RPRD1A: variants seen among roughly 807,000 people sequenced by gnomAD.
RPRD1A encodes the protein regulation of nuclear pre-mRNA domain containing 1A.
A neutral mutation model predicts 37.8 loss-of-function variants in RPRD1A; 9 were observed. That is an observed-to-expected ratio of 0.24 (90% confidence interval 0.14 to 0.42). The LOEUF (loss-of-function observed/expected upper bound fraction) is 0.42, where lower values mean the gene tolerates loss of function less well. RPRD1A is among the 10% of genes least tolerant of loss of function. RPRD1A has a pLI of 1.00. For synonymous variants in RPRD1A, 138 were observed against 139.7 expected, an observed-to-expected ratio of 0.99 and a Z score of 0.08; for missense variants, 255 against 371.0, an observed-to-expected ratio of 0.69 and a Z score of 2.57.
chr18:36,003,525 G>A (rs190237234), intron 6 of RPRD1A, among the ~76,000 whole-genome samples: 2 of 152,234 alleles, frequency 1.3e-5, no homozygotes, highest in East Asian at 1.9e-4. Flanking sequence ...ACAGACCAAC[G>A]GTCTGACCTG....
intron 1 of RPRD1A, among the ~76,000 whole-genome samples, chr18:36,058,470 A>G (rs1414586825): frequency 2.0e-5 from 3 of 152,234 alleles, no homozygotes. Flanking sequence ...TATTTTTATA[A>G]GAAATGTAGA....
chr18:35,992,489 CTATT>C lies in RPRD1A; in HGVS notation c.*658_*661del, dbSNP rs1480640540. On this transcript the variant is annotated 3_prime_UTR_variant, in exon 7 of 7. Coordinates refer to ENST00000399022, the MANE Select transcript of RPRD1A (RefSeq NM_018170.5). Reference sequence around the variant, plus strand: ...ACAAACAGTTTAATCAAGGGAGTCACTATTTAACACTTTTAAAATCTACACTGGC... The same window carrying C: ...ACAAACAGTTTAATCAAGGGAGTCACTAACACTTTTAAAATCTACACTGGC... 1 of 151,894 alleles carries C rather than the reference CTATT, an allele frequency of 6.6e-6. No homozygotes were observed. The highest frequency in any genetic ancestry group is 2.4e-5 in the African/African-American group (1 of 41,314). 9.4% of individuals were successfully genotyped at this position (151,894 alleles called of 1,614,324 possible). A position where few individuals can be genotyped will look rare whatever the true frequency, so the allele number is the denominator to read the frequency against.
chr18:35,993,562 A>G (rs16967319), intron 6 of RPRD1A, among the ~76,000 whole-genome samples: 34,864 of 152,170 alleles, frequency 0.23, 4,046 homozygotes, highest in African/African-American at 0.25. Flanking sequence ...TAACCTCGAC[A>G]TATAAGATGT....
intron 6 of RPRD1A, among the ~76,000 whole-genome samples, chr18:35,997,326 C>T (rs933734203): frequency 6.6e-6 from 1 of 152,096 alleles, no homozygotes; most frequent in Admixed American, 6.5e-5. Flanking sequence ...GCTTTAACAT[C>T]CTATTGACCA....
chr18:36,024,313 A>AT (rs781696260), intron 6 of RPRD1A, among the ~76,000 whole-genome samples: 3,578 of 126,556 alleles, frequency 0.028, 173 homozygotes, highest in African/African-American at 0.091. Context: ...CACCTGGTTA[A>AT]TTTTTTTTTT....
chr18:36,021,374 A>T (rs1458068086), intron 6 of RPRD1A, among the ~76,000 whole-genome samples: 1 of 152,182 alleles, frequency 6.6e-6, no homozygotes. Flanking sequence ...ATTCTTATGC[A>T]TTATGGTAAT....
At chr18:36,054,137 A>G (rs1051515136) in intron 1 of RPRD1A, among the ~76,000 whole-genome samples, 3 of 152,186 alleles carry the variant, frequency 2.0e-5, no homozygotes, top group Non-Finnish European at 4.4e-5. Flanking sequence ...CAGAAAGTAA[A>G]AACACCATAT....
rs1242531835 is a variant in RPRD1A at position 36,018,200 on chromosome 18, T to G, written c.789+8700A>C. Among the ~76,000 whole-genome samples the G allele has an allele frequency of 2.7e-5, 4 of 150,888 alleles. No homozygotes were observed. In the East Asian group the frequency reaches 7.8e-4, roughly 29 times the overall value. ...GTGTCTTTCAATCATTTTTATTTAT[T>G]AAAGTATCATTCTTTTCTGATTTAG... On this transcript the variant is annotated intron_variant, in intron 6 of 6. Coordinates refer to ENST00000399022, the MANE Select transcript of RPRD1A (RefSeq NM_018170.5).
intron 1 of RPRD1A, among the ~76,000 whole-genome samples, chr18:36,056,039 TAACA>T (rs1309990362): frequency 2.0e-5 from 3 of 152,162 alleles, no homozygotes; most frequent in African/African-American, 7.2e-5. Flanking sequence ...GAATATTTAC[TAACA>T]AACATAAATT....
At chr18:36,064,383 TGA>T (rs2088978322) in intron 1 of RPRD1A, 1 of 152,476 alleles carries the variant, frequency 6.6e-6, no homozygotes, top group Non-Finnish European at 1.5e-5. Flanking sequence ...CGAGTGCCAT[TGA>T]GAGGTGAAGC....
chr18:36,027,548 T>C lies in RPRD1A; in HGVS notation c.487-238A>G, dbSNP rs1277444446. ...AGACCTTGAAGAGAGCTTACTCCAGTGGTGGAGACAGAGTAATAATAATTA... is the reference window on the plus strand; with the variant it reads ...AGACCTTGAAGAGAGCTTACTCCAGCGGTGGAGACAGAGTAATAATAATTA... On this transcript the variant is annotated intron_variant, in intron 4 of 6. Coordinates refer to ENST00000399022, the MANE Select transcript of RPRD1A (RefSeq NM_018170.5). The C allele has an allele frequency of 7.6e-6, 3 of 394,894 alleles. No individual in the cohort carries two copies. In the Admixed American group the frequency reaches 1.2e-4, roughly 15 times the overall value. 24.5% of individuals were successfully genotyped at this position (394,894 alleles called of 1,614,324 possible).
intron 2 of RPRD1A, among the ~76,000 whole-genome samples, chr18:36,032,122 G>A (rs1003249381): frequency 2.6e-5 from 4 of 152,050 alleles, no homozygotes; most frequent in Non-Finnish European, 4.4e-5. Context: ...TCACATAACT[G>A]AGCGCCCTCA....
At chr18:36,013,781 G>C (rs1430509144) in intron 6 of RPRD1A, among the ~76,000 whole-genome samples, 2 of 152,000 alleles carry the variant, frequency 1.3e-5, no homozygotes, top group Non-Finnish European at 2.9e-5. Flanking sequence ...TCTGACACAT[G>C]AATCAAGTAA....
At chr18:36,051,753 CA>C (rs914273251) in intron 1 of RPRD1A, among the ~76,000 whole-genome samples, 3 of 151,914 alleles carry the variant, frequency 2.0e-5, no homozygotes, top group Admixed American at 6.6e-5. Flanking sequence ...ATGTCAAAAG[CA>C]GGGAAAATTA....
intron 1 of RPRD1A, among the ~76,000 whole-genome samples, chr18:36,043,548 GAGA>G (rs1217369296): frequency 3.9e-5 from 6 of 152,072 alleles, no homozygotes. Context: ...TAAAAGTCCT[GAGA>G]AGAATAAACT....
chr18:36,029,133 A>G (rs1311869263), intron 4 of RPRD1A, among the ~76,000 whole-genome samples: 1 of 152,220 alleles, frequency 6.6e-6, no homozygotes, highest in Non-Finnish European at 1.5e-5. Context: ...ATAGTGGCCA[A>G]TGGGCTTCAG....
intron 6 of RPRD1A, among the ~76,000 whole-genome samples, chr18:36,004,109 G>C (rs1909592556): frequency 1.3e-5 from 2 of 150,936 alleles, no homozygotes; most frequent in African/African-American, 4.9e-5. Context: ...GGGATTACAG[G>C]CATGAGCCAC....
At chr18:36,046,981 T>C (rs1299104947) in intron 1 of RPRD1A, among the ~76,000 whole-genome samples, 1 of 151,212 alleles carries the variant, frequency 6.6e-6, no homozygotes, top group African/African-American at 2.4e-5. Context: ...AAAGTAGAGA[T>C]GTTAAAATGA....
intron 1 of RPRD1A, among the ~76,000 whole-genome samples, chr18:36,062,323 C>CAAA (rs752980996): frequency 0.024 from 976 of 40,376 alleles, 119 homozygotes; most frequent in African/African-American, 0.084. Context: ...GACTCCGTCT[C>CAAA]AAAAAAAAAA....
Sources: gnomAD v4.1 joint callset for allele counts (sites outside exome capture counted in the v4.1 genomes callset) on GRCh38, gnomAD v4.1.1 for gene constraint, MANE v1.5 for transcripts, NCBI Gene and HGNC (gene_info 2026-07-23, HGNC 2026-07-21) for gene names.